DEAF1: variants seen among roughly 807,000 people sequenced by gnomAD.
DEAF1 encodes deformed epidermal autoregulatory factor 1 homolog.
A neutral mutation model predicts 58.9 loss-of-function variants in DEAF1; 53 were observed. The observed-to-expected ratio is 0.90, with a 90% CI of 0.72 to 1.13. The LOEUF is 1.13. Among genes scored for constraint, DEAF1 ranks in the 50% most tolerant of loss-of-function variants. The pLI is 0.00. For synonymous variants in DEAF1, 385 were observed against 340.4 expected (o/e 1.13, Z -1.44); for missense variants, 685 against 791.4 (o/e 0.87, Z 1.61).
At chr11:702,958 C>A in intron 1 of DEAF1, 1 of 1,608,586 alleles carries the variant, frequency 6.2e-7, no homozygotes, top group Non-Finnish European at 8.5e-7. Flanking sequence ...CCAGGGGCAA[C>A]CTGACAGAGG....
chr11:699,039 T>C (rs1400868290), upstream of DEAF1: 11 of 899,096 alleles, frequency 1.2e-5, no homozygotes, highest in Non-Finnish European at 1.8e-6. Flanking sequence ...TTTAGAGAGT[T>C]GATGTAACTT....
At position 674,620 on chromosome 11, in the gene DEAF1, C is replaced by T. The variant is rs1420970450; in HGVS notation, c.1419G>A (p.Leu473=). 2 of 1,614,070 alleles carry T rather than the reference C, an allele frequency of 1.2e-6. No homozygotes were observed. Among genetic ancestry groups the T allele is most frequent in the Admixed American group, 3.3e-5 (2 of 60,004 alleles). ...LLNTAQQLKT[L]FEQAKHASTY... is the part of the protein sequence containing the mutation. Reference sequence around the variant, plus strand: ...TGCTGGCATGCTTGGCTTGCTCAAACAGCGTCTTCAGCTGCTGCGCTGTGT... The same window carrying T: ...TGCTGGCATGCTTGGCTTGCTCAAATAGCGTCTTCAGCTGCTGCGCTGTGT... The change falls in exon 10 of 12, where the codon CTG becomes CTA. Residue 473 remains leucine (L), a synonymous_variant. Coordinates refer to ENST00000382409, the MANE Select transcript of DEAF1 (RefSeq NM_021008.4).
chr11:651,818 G>A (rs112014057), intron 11 of DEAF1, among the ~76,000 whole-genome samples: 7 of 152,300 alleles, frequency 4.6e-5, no homozygotes, highest in African/African-American at 9.6e-5. Flanking sequence ...CCTGGGAGGC[G>A]GAGCTTGCGG....
intron 9 of DEAF1, among the ~76,000 whole-genome samples, chr11:677,967 A>AAC (rs1465405851): frequency 6.7e-6 from 1 of 150,236 alleles, no homozygotes; most frequent in Non-Finnish European, 1.5e-5. Context: ...TGTCTCAAAA[A>AAC]AAAAAACAAA....
Position 691,498 on chromosome 11 carries a change from T to C in DEAF1, c.387+3A>G. Reference sequence around the variant, plus strand: ...CTGGGCTGTGCCCCTCGGAGCAGCTTACCAGAACATGTCCTGAGATGGATG... The same window carrying C: ...CTGGGCTGTGCCCCTCGGAGCAGCTCACCAGAACATGTCCTGAGATGGATG... On this transcript the variant is annotated splice_donor_region_variant and intron_variant, in intron 2 of 11. Coordinates refer to ENST00000382409, the MANE Select transcript of DEAF1 (RefSeq NM_021008.4). 6.2e-7 allele frequency: 1 copy of C among 1,612,072 alleles called. No individual in the cohort carries two copies. Among genetic ancestry groups the C allele is most frequent in the Non-Finnish European group, 8.5e-7 (1 of 1,179,926 alleles).
chr11:653,941 C>T (rs1371791229), intron 11 of DEAF1, 21 bp downstream of exon 11: 2 of 1,611,758 alleles, frequency 1.2e-6, no homozygotes, highest in Admixed American at 3.3e-5. Flanking sequence ...GGGCACTGAG[C>T]CTGGTGTAGG....
intron 11 of DEAF1, among the ~76,000 whole-genome samples, chr11:650,402 C>T (rs1253665967): frequency 3.3e-5 from 4 of 120,348 alleles, no homozygotes; most frequent in African/African-American, 1.1e-4. Context: ...AAAAAAAAGG[C>T]AGAGACTATC....
chr11:675,907 C>A (rs1860028695), intron 9 of DEAF1, among the ~76,000 whole-genome samples: 5 of 127,598 alleles, frequency 3.9e-5, no homozygotes, highest in Admixed American at 1.6e-4. Context: ...TGCCTGACAT[C>A]CCCCCAGCAC....
At chr11:670,153 TCTG>T (rs1334786990) in intron 10 of DEAF1, among the ~76,000 whole-genome samples, 4 of 151,882 alleles carry the variant, frequency 2.6e-5, no homozygotes. Context: ...GAGTGGTGCT[TCTG>T]CAGGGATTGA....
chr11:686,755 A>G (rs531011916), intron 5 of DEAF1, 103 bp downstream of exon 5: 1 of 1,522,828 alleles, frequency 6.6e-7, no homozygotes, highest in South Asian at 1.1e-5. Context: ...TGCAAACCCC[A>G]TTTGTCTGAC....
At chr11:650,399 A>AG (rs1858712971) in intron 11 of DEAF1, among the ~76,000 whole-genome samples, 1 of 148,874 alleles carries the variant, frequency 6.7e-6, no homozygotes. Flanking sequence ...AAAAAAAAAA[A>AG]GGCAGAGACT....
chr11:702,049 T>A (rs1250574410), intron 1 of DEAF1, among the ~76,000 whole-genome samples: 2 of 152,188 alleles, frequency 1.3e-5, no homozygotes, highest in Admixed American at 6.5e-5. Flanking sequence ...CCTGCCAGGC[T>A]GGAATCTTGG....
rs554811804 is a variant in DEAF1 at position 644,827 on chromosome 11, C to A, written c.1594-173G>T. ...AACTCTGGTGGGCTCTGCTCCAATACAGCCTTCCCCACACTCTCTTGGTTT... is the reference window on the plus strand; with the variant it reads ...AACTCTGGTGGGCTCTGCTCCAATAAAGCCTTCCCCACACTCTCTTGGTTT... On this transcript the variant is annotated intron_variant, in intron 11 of 11. Coordinates refer to ENST00000382409, the MANE Select transcript of DEAF1 (RefSeq NM_021008.4). The surrounding 1 kb of genome is among the most constrained non-coding windows in gnomAD (Gnocchi z 4.3). Among the ~76,000 whole-genome samples the A allele has an allele frequency of 6.6e-6, 1 of 152,114 alleles. No homozygotes were observed. The highest frequency in any genetic ancestry group is 6.5e-5 in the Admixed American group (1 of 15,270).
At chr11:664,349 C>A (rs1859444271) in intron 10 of DEAF1, among the ~76,000 whole-genome samples, 3 of 152,162 alleles carry the variant, frequency 2.0e-5, no homozygotes. Flanking sequence ...CCACCCCAAG[C>A]CATGGCACTG....
At chr11:654,319 A>G (rs754923570) in intron 10 of DEAF1, among the ~76,000 whole-genome samples, 4 of 150,998 alleles carry the variant, frequency 2.6e-5, no homozygotes, top group Non-Finnish European at 4.4e-5. Flanking sequence ...GGTGCCTGAC[A>G]CCACGCCCAG....
upstream of DEAF1, among the ~76,000 whole-genome samples, chr11:697,016 G>A (rs955906116): frequency 1.3e-5 from 2 of 148,486 alleles, no homozygotes; most frequent in Non-Finnish European, 3.0e-5. Flanking sequence ...TGGTGGTGGT[G>A]GGGGGGGTGG....
chr11:687,296 G>C (rs981811066), intron 4 of DEAF1, among the ~76,000 whole-genome samples: 14 of 152,190 alleles, frequency 9.2e-5, no homozygotes, highest in African/African-American at 3.1e-4. Flanking sequence ...CAAGTCCCAA[G>C]CTAACCTGGC....
upstream of DEAF1, among the ~76,000 whole-genome samples, chr11:697,012 TGG>T (rs1039468112): frequency 1.0e-5 from 1 of 95,558 alleles, no homozygotes; most frequent in African/African-American, 4.1e-5. Context: ...CCGGTGGTGG[TGG>T]TGGGGGGGGT....
chr11:698,720 T>C, upstream of DEAF1: 1 of 892,530 alleles, frequency 1.1e-6, no homozygotes, highest in East Asian at 2.4e-5. Flanking sequence ...AGCTATCTAG[T>C]GGCAGGCCCA....
Sources: gnomAD v4.1 joint callset for allele counts (sites outside exome capture counted in the v4.1 genomes callset) on GRCh38, gnomAD v4.1.1 for gene constraint, Gnocchi (gnomAD v3.1) non-coding constraint, MANE v1.5 for transcripts, NCBI Gene and HGNC (gene_info 2026-07-23, HGNC 2026-07-21) for gene names.